TCF12: variants seen among roughly 807,000 people sequenced by gnomAD.
TCF12 encodes transcription factor 12, also known as DNA-binding protein HTF4.
In TCF12, 45 loss-of-function variants were observed where a neutral mutation model predicts 86.0. That is an observed-to-expected ratio of 0.52 (90% CI 0.41 to 0.67). The LOEUF (loss-of-function observed/expected upper bound fraction) is 0.67. TCF12 is among the 30% of genes least tolerant of loss of function. The pLI is 0.00. For missense variants in TCF12, 881 were observed against 859.9 expected, an observed-to-expected ratio of 1.02 and a Z score of -0.31; for synonymous variants, 330 against 299.6, an observed-to-expected ratio of 1.10 and a Z score of -1.05.
At chr15:57,149,526 T>G (rs892280386) in intron 5 of TCF12, among the ~76,000 whole-genome samples, 2 of 152,212 alleles carry the variant, frequency 1.3e-5, no homozygotes, top group Admixed American at 1.3e-4. Context: ...GCAGACTTAG[T>G]GGAATTCAAA....
chr15:56,988,367 A>G (rs910493683), intron 3 of TCF12, among the ~76,000 whole-genome samples: 7 of 152,184 alleles, frequency 4.6e-5, no homozygotes, highest in Admixed American at 2.0e-4. Flanking sequence ...ATCTTAGTAT[A>G]CAGAATACTG....
intron 6 of TCF12, among the ~76,000 whole-genome samples, chr15:57,167,934 G>A (rs747159873): frequency 6.6e-6 from 1 of 152,122 alleles, no homozygotes; most frequent in Non-Finnish European, 1.5e-5. Flanking sequence ...TGCCTTACCA[G>A]CTCTTACTAG....
intron 5 of TCF12, among the ~76,000 whole-genome samples, chr15:57,121,301 A>G (rs1836733657): frequency 6.6e-6 from 1 of 152,190 alleles, no homozygotes; most frequent in South Asian, 2.1e-4. Flanking sequence ...TCTAAATATG[A>G]ATTCGGTTCA....
At chr15:57,213,171 C>T (rs543651071) in intron 8 of TCF12, among the ~76,000 whole-genome samples, 89 of 152,304 alleles carry the variant, frequency 5.8e-4, no homozygotes, top group African/African-American at 1.9e-3. Flanking sequence ...TGACTGACAC[C>T]ATTTCCCATC....
chr15:57,283,857 G>C (rs1178499526), intron 20 of TCF12, among the ~76,000 whole-genome samples: 1 of 152,114 alleles, frequency 6.6e-6, no homozygotes, highest in Non-Finnish European at 1.5e-5. Context: ...TACATATAGG[G>C]TCAAATGAGA....
intron 8 of TCF12, among the ~76,000 whole-genome samples, chr15:57,222,238 T>C (rs1210510478): frequency 6.6e-6 from 1 of 151,580 alleles, no homozygotes; most frequent in Non-Finnish European, 1.5e-5. Flanking sequence ...TTTTTTTTTT[T>C]TTAGTTTTCG....
At chr15:57,085,626 A>G (rs373194528) in intron 4 of TCF12, among the ~76,000 whole-genome samples, 3 of 152,342 alleles carry the variant, frequency 2.0e-5, no homozygotes. Flanking sequence ...TTTAGAAAGT[A>G]TAGCGTTATT....
At chr15:57,195,548 GT>G (rs1359199427) in intron 7 of TCF12, among the ~76,000 whole-genome samples, 1 of 152,204 alleles carries the variant, frequency 6.6e-6, no homozygotes, top group Non-Finnish European at 1.5e-5. Context: ...TGGCACTTCT[GT>G]TTTAAGGAAA....
chr15:57,055,949 T>G (rs1343719769), intron 3 of TCF12, among the ~76,000 whole-genome samples: 2 of 152,132 alleles, frequency 1.3e-5, no homozygotes, highest in Non-Finnish European at 2.9e-5. Context: ...TTCCCTTAGG[T>G]CTCTGAGGCC....
At chr15:57,048,263 T>C (rs1420122015) in intron 3 of TCF12, among the ~76,000 whole-genome samples, 1 of 152,142 alleles carries the variant, frequency 6.6e-6, no homozygotes, top group Non-Finnish European at 1.5e-5. Flanking sequence ...TGTTTTGTTT[T>C]GTTTTGTTTT....
chr15:57,091,914 G>T, intron 5 of TCF12, 23 bp downstream of exon 5: 1 of 1,589,212 alleles, frequency 6.3e-7, no homozygotes, highest in Middle Eastern at 1.7e-4. Flanking sequence ...TTCTCTGCAA[G>T]TAGTCTTCTC....
At chr15:57,114,464 T>A (rs1303308663) in intron 5 of TCF12, among the ~76,000 whole-genome samples, 1 of 152,114 alleles carries the variant, frequency 6.6e-6, no homozygotes, top group Non-Finnish European at 1.5e-5. Flanking sequence ...CTAATTTTTT[T>A]ATTTTTATTT....
At chr15:56,952,868 T>A (rs974265925) in intron 3 of TCF12, among the ~76,000 whole-genome samples, 1 of 152,156 alleles carries the variant, frequency 6.6e-6, no homozygotes, top group Non-Finnish European at 1.5e-5. Context: ...ATTGCCTGAT[T>A]GTACTTTCCA....
At chr15:57,269,841 C>A (rs1213172722) in intron 18 of TCF12, among the ~76,000 whole-genome samples, 1 of 152,122 alleles carries the variant, frequency 6.6e-6, no homozygotes, top group Non-Finnish European at 1.5e-5. Context: ...ATATGAAATT[C>A]TGGGTTGAAA....
chr15:57,128,386 C>T (rs557338371), intron 5 of TCF12, among the ~76,000 whole-genome samples: 16 of 152,146 alleles, frequency 1.1e-4, no homozygotes, highest in African/African-American at 2.7e-4. Flanking sequence ...CTAGGCACCA[C>T]GCAAAGTGCT....
intron 3 of TCF12, among the ~76,000 whole-genome samples, chr15:56,932,596 T>C (rs1328170467): frequency 6.6e-6 from 1 of 152,018 alleles, no homozygotes; most frequent in East Asian, 1.9e-4. Context: ...GGAGACAGAG[T>C]GTGGCTCTGT....
intron 6 of TCF12, among the ~76,000 whole-genome samples, chr15:57,184,782 A>C (rs1181772548): frequency 6.6e-6 from 1 of 152,208 alleles, no homozygotes; most frequent in East Asian, 1.9e-4. Context: ...CAGATGTGAC[A>C]ATGGAAATTT....
At chr15:57,010,657 T>G (rs1026276160) in intron 3 of TCF12, among the ~76,000 whole-genome samples, 1 of 152,184 alleles carries the variant, frequency 6.6e-6, no homozygotes, top group Non-Finnish European at 1.5e-5. Context: ...AAATTGTTAC[T>G]GCCTAATTTG....
At chr15:57,246,616 A>G (rs1403116222) in intron 13 of TCF12, among the ~76,000 whole-genome samples, 1 of 151,840 alleles carries the variant, frequency 6.6e-6, no homozygotes, top group Non-Finnish European at 1.5e-5. Context: ...TTTTATTCCC[A>G]GTACCACTAC....
Sources: gnomAD v4.1 joint callset for allele counts (sites outside exome capture counted in the v4.1 genomes callset) on GRCh38, gnomAD v4.1.1 for gene constraint, MANE v1.5 for transcripts, NCBI Gene and HGNC (gene_info 2026-07-23, HGNC 2026-07-21) for gene names.